Variants in SLA2 observed in about 807,000 individuals in gnomAD.
SLA2 encodes Src like adaptor 2.
SLA2 carries 22 observed loss-of-function variants against 27.3 expected under a neutral mutation model. The observed-to-expected ratio is 0.81, with a 90% CI of 0.58 to 1.15. SLA2 has a LOEUF of 1.15. Ranked by LOEUF, SLA2 falls within the 50% of genes most tolerant of loss-of-function variation. The pLI, the probability that SLA2 is intolerant of heterozygous loss-of-function variation, is 0.00. For synonymous variants in SLA2, 131 were observed against 137.8 expected, an observed-to-expected ratio of 0.95 and a Z score of 0.34; for missense variants, 304 against 322.2, an observed-to-expected ratio of 0.94 and a Z score of 0.43.
At chr20:36,642,961 C>T (rs1365367471) in intron 1 of SLA2, among the ~76,000 whole-genome samples, 1 of 152,182 alleles carries the variant, frequency 6.6e-6, no homozygotes, top group Non-Finnish European at 1.5e-5. Context: ...AATCCTCCCA[C>T]CTCAGCTTCC....
Position 36,613,761 on chromosome 20 carries a change from ACCCT to A in SLA2, c.*101_*104del, listed in dbSNP as rs1169884417. 2.7e-5 allele frequency: 9 copies of A among 337,694 alleles called. 2 individuals are homozygous for A. Among genetic ancestry groups the A allele is most frequent in the South Asian group, 4.8e-5 (2 of 41,772 alleles). 20.9% of individuals were successfully genotyped at this position (337,694 alleles called of 1,614,324 possible). On this transcript the variant is annotated 3_prime_UTR_variant, in exon 8 of 8. Transcript: ENST00000262866. ...GACCCTAGATGCACCTCTGTGTCCC[ACCCT>A]CCCTCCCTGAGTGCACAGCCTTGCC...
At chr20:36,636,140 G>A (rs548776242) in intron 2 of SLA2, among the ~76,000 whole-genome samples, 8 of 152,068 alleles carry the variant, frequency 5.3e-5, no homozygotes, top group Non-Finnish European at 8.8e-5. Flanking sequence ...GCAAGAGGCC[G>A]GGCGCGGTGG....
At chr20:36,623,916 C>G (rs1275525259) in intron 5 of SLA2, among the ~76,000 whole-genome samples, 1 of 152,178 alleles carries the variant, frequency 6.6e-6, no homozygotes, top group Non-Finnish European at 1.5e-5. Flanking sequence ...CCCAGCTGAA[C>G]TAGTGACCAA....
At chr20:36,623,135 G>A (rs2147982942) in intron 5 of SLA2, among the ~76,000 whole-genome samples, 1 of 152,154 alleles carries the variant, frequency 6.6e-6, no homozygotes, top group South Asian at 2.1e-4. Context: ...TGGGCATGAT[G>A]GCGTGTGCCT....
rs1432411383 is a variant in SLA2, at chr20:36,638,537, C to T, written c.91+2708G>A. On this transcript the variant is annotated intron_variant, in intron 2 of 7. Transcript: ENST00000262866. ...AGAGACAGGGTTTTACCATATTGGT[C>T]AGGCTGATCTCAAACTCCTGACCTC... Among the ~76,000 whole-genome samples, 3 of 152,256 alleles carry T rather than the reference C, an allele frequency of 2.0e-5. No homozygotes were observed. In the East Asian group the frequency reaches 5.8e-4, roughly 29 times the overall value.
At position 36,640,704 on chromosome 20, in the gene SLA2, A is replaced by G. The variant is rs553580269; in HGVS notation, c.91+541T>C. 1.3e-3 allele frequency among the ~76,000 whole-genome samples: 192 copies of G among 152,124 alleles called. 2 individuals carry two copies. Among genetic ancestry groups the G allele is most frequent in the Non-Finnish European group, 2.4e-4 (16 of 67,988 alleles). Reference sequence around the variant, plus strand: ...GCTAATTTTTGTATTTTTAGTAGAGACGGGGTTTCACCATGTTGGCCAGGC... The same window carrying G: ...GCTAATTTTTGTATTTTTAGTAGAGGCGGGGTTTCACCATGTTGGCCAGGC... On this transcript the variant is annotated intron_variant, in intron 2 of 7. Coordinates refer to ENST00000262866, the MANE Select transcript of SLA2 (RefSeq NM_032214.4).
chr20:36,621,095 G>A, intron 5 of SLA2: 1 of 363,576 alleles, frequency 2.8e-6, no homozygotes, highest in Non-Finnish European at 5.5e-6. Context: ...AGTTATGGAG[G>A]AGGTGATGGT....
chr20:36,614,740 T>C, intron 6 of SLA2: 1 of 985,444 alleles, frequency 1.0e-6, no homozygotes, highest in Non-Finnish European at 1.2e-6. Context: ...CTACTTCTAC[T>C]CACTGTCTAC....
intron 5 of SLA2, among the ~76,000 whole-genome samples, chr20:36,618,807 T>G (rs1271492752): frequency 2.8e-5 from 4 of 144,844 alleles, no homozygotes; most frequent in Non-Finnish European, 4.5e-5. Flanking sequence ...CTTGAGAGGC[T>G]GAGGCAGGAG....
chr20:36,642,726 C>T (rs1486027347), intron 1 of SLA2, among the ~76,000 whole-genome samples: 1 of 152,138 alleles, frequency 6.6e-6, no homozygotes, highest in African/African-American at 2.4e-5. Context: ...GCTGGGATTA[C>T]AGGCATGCAC....
At chr20:36,631,935 C>T (rs192436080) in intron 5 of SLA2, among the ~76,000 whole-genome samples, 45 of 152,302 alleles carry the variant, frequency 3.0e-4, no homozygotes, top group Middle Eastern at 3.4e-3. Flanking sequence ...GCAAACGCGA[C>T]GCCTTAAGAA....
At position 36,613,764 on chromosome 20, in the gene SLA2, CTCCCTCCCTGAGTG is replaced by C; in HGVS notation, c.*88_*101del. The C allele has an allele frequency of 1.8e-6, 1 of 549,010 alleles. No homozygotes were observed. The highest frequency in any genetic ancestry group is 3.3e-6 in the Non-Finnish European group (1 of 306,724). 34.0% of individuals were successfully genotyped at this position (549,010 alleles called of 1,614,324 possible). A position where few individuals can be genotyped will look rare whatever the true frequency, so the allele number is the denominator to read the frequency against. ...CCTAGATGCACCTCTGTGTCCCACC[CTCCCTCCCTGAGTG>C]CACAGCCTTGCCTCTGGGGTGCCCA... is the stretch of plus-strand genomic sequence containing the variant. On this transcript the variant is annotated 3_prime_UTR_variant, in exon 8 of 8. Coordinates refer to ENST00000262866, the MANE Select transcript of SLA2 (RefSeq NM_032214.4).
At chr20:36,630,884 T>A (rs2039387364) in intron 5 of SLA2, among the ~76,000 whole-genome samples, 2 of 152,152 alleles carry the variant, frequency 1.3e-5, no homozygotes, top group Non-Finnish European at 2.9e-5. Flanking sequence ...CCGTTCCTAC[T>A]CCTCTTTGGT....
chr20:36,625,970 C>T (rs1051608135), intron 5 of SLA2, among the ~76,000 whole-genome samples: 2 of 150,570 alleles, frequency 1.3e-5, no homozygotes, highest in Non-Finnish European at 2.9e-5. Flanking sequence ...ACTCAAAATA[C>T]AAAAATTACC....
At chr20:36,645,041 G>C (rs1397376594) in intron 1 of SLA2, among the ~76,000 whole-genome samples, 3 of 151,836 alleles carry the variant, frequency 2.0e-5, no homozygotes, top group African/African-American at 4.8e-5. Flanking sequence ...AGCAGTGGGG[G>C]TAAGAGTGAT....
chr20:36,620,249 C>T (rs955217902), intron 5 of SLA2, among the ~76,000 whole-genome samples: 1 of 150,582 alleles, frequency 6.6e-6, no homozygotes, highest in Non-Finnish European at 1.5e-5. Context: ...ATTAGCTGAG[C>T]GTGGTGGTGG....
At chr20:36,641,399 G>A in intron 1 of SLA2, 21 bp from the exon 2 acceptor site, 1 of 1,455,348 alleles carries the variant, frequency 6.9e-7, no homozygotes, top group Non-Finnish European at 9.6e-7. Flanking sequence ...CACAGTGATG[G>A]GGACAGAGCC....
chr20:36,621,750 G>A (rs942110322), intron 5 of SLA2, among the ~76,000 whole-genome samples: 3 of 151,984 alleles, frequency 2.0e-5, no homozygotes, highest in African/African-American at 7.2e-5. Context: ...AATGGCTAAT[G>A]CCTGTAATCC....
chr20:36,621,659 G>T (rs964438113), intron 5 of SLA2, among the ~76,000 whole-genome samples: 2 of 150,198 alleles, frequency 1.3e-5, no homozygotes, highest in African/African-American at 4.9e-5. Context: ...AACAAAAACT[G>T]AACATCACTT....
Sources: gnomAD v4.1 joint callset for allele counts (sites outside exome capture counted in the v4.1 genomes callset) on GRCh38, gnomAD v4.1.1 for gene constraint, MANE v1.5 for transcripts, NCBI Gene and HGNC (gene_info 2026-07-23, HGNC 2026-07-21) for gene names.